PTPRG: variants seen among roughly 807,000 people sequenced by gnomAD.
PTPRG encodes receptor-type tyrosine-protein phosphatase gamma.
PTPRG carries 102 observed loss-of-function variants against 165.3 expected under a neutral mutation model. The ratio of observed to expected loss-of-function variants is 0.62; its 90% confidence interval spans 0.53 to 0.73. PTPRG has a LOEUF of 0.73. Among genes scored for constraint, PTPRG ranks in the 30% least tolerant of loss-of-function variants. The pLI, the probability that PTPRG is intolerant of heterozygous loss-of-function variation, is 0.00. For missense variants in PTPRG, 1,866 were observed against 1,861.4 expected, an observed-to-expected ratio of 1.00 and a Z score of -0.05; for synonymous variants, 675 against 669.5, an observed-to-expected ratio of 1.01 and a Z score of -0.13.
chr3:62,181,294 C>G (rs1705639732), intron 8 of PTPRG, among the ~76,000 whole-genome samples: 1 of 152,188 alleles, frequency 6.6e-6, no homozygotes, highest in Admixed American at 6.5e-5. Context: ...GGATAAACCC[C>G]AGCTCCAGTG....
intron 3 of PTPRG, among the ~76,000 whole-genome samples, chr3:62,000,354 T>C (rs1042083192): frequency 4.6e-5 from 7 of 151,812 alleles, no homozygotes; most frequent in African/African-American, 1.7e-4. Flanking sequence ...TTTCTGCCTG[T>C]ATATTCTTAC....
intron 4 of PTPRG, among the ~76,000 whole-genome samples, chr3:62,017,087 G>A (rs750842578): frequency 1.3e-5 from 2 of 152,108 alleles, no homozygotes; most frequent in Admixed American, 6.5e-5. Flanking sequence ...GGAGGGGATC[G>A]GTCTGTCTGT....
intron 6 of PTPRG, among the ~76,000 whole-genome samples, chr3:62,155,623 G>A (rs544504997): frequency 1.4e-4 from 22 of 152,322 alleles, no homozygotes; most frequent in Non-Finnish European, 2.2e-4. Context: ...GCATATAGGC[G>A]AAGCTAAATC....
At chr3:62,026,747 G>T (rs7652787) in intron 4 of PTPRG, among the ~76,000 whole-genome samples, 83,764 of 151,440 alleles carry the variant, frequency 0.55, 23,922 homozygotes, top group African/African-American at 0.7. Context: ...TTAGCCAGGC[G>T]TGGTGGCACG....
intron 2 of PTPRG, among the ~76,000 whole-genome samples, chr3:61,969,663 C>G (rs2040341943): frequency 1.3e-5 from 2 of 152,088 alleles, no homozygotes; most frequent in Non-Finnish European, 2.9e-5. Flanking sequence ...CAGACTCGGT[C>G]ACCCTCAGTC....
At chr3:61,575,854 G>A (rs1700164015) in intron 1 of PTPRG, among the ~76,000 whole-genome samples, 1 of 152,142 alleles carries the variant, frequency 6.6e-6, no homozygotes, top group African/African-American at 2.4e-5. Flanking sequence ...CAGGTGATGT[G>A]CCTTCATCGG....
intron 15 of PTPRG, among the ~76,000 whole-genome samples, chr3:62,244,908 G>C (rs9863820): frequency 0.27 from 41,233 of 152,006 alleles, 7,275 homozygotes; most frequent in African/African-American, 0.5. Context: ...CTCAGAGGTA[G>C]AGTCATTCTT....
intron 2 of PTPRG, among the ~76,000 whole-genome samples, chr3:61,832,910 T>C (rs540372498): frequency 6.6e-6 from 1 of 152,308 alleles, no homozygotes; most frequent in Non-Finnish European, 1.5e-5. Context: ...CCTATGTCTT[T>C]GCATTCTCGT....
chr3:62,231,232 A>G lies in PTPRG; in HGVS notation c.2296A>G (p.Asn766Asp), dbSNP rs748798768. Residue 766 changes from asparagine (N) to aspartate (D), a missense_variant, in exon 14 of 30, where the codon AAC becomes GAC. Around this residue, in one of 3 missense-constraint regions of PTPRG, gnomAD observed 1,452 missense variants for 1,463.0 expected, o/e 0.99. Transcript: ENST00000474889. ...IAVLVYWRGC[N>D]KIKSKGFPRR... is the part of the protein sequence containing the mutation. ...TGTTTTTTGTCCATTTAGAGGGTGT[A>G]ACAAAATAAAGTCCAAGGGCTTTCC... 2 of 1,574,158 alleles carry G rather than the reference A, an allele frequency of 1.3e-6. No homozygotes were observed. Among genetic ancestry groups the G allele is most frequent in the Non-Finnish European group, 8.6e-7 (1 of 1,160,446 alleles).
intron 2 of PTPRG, among the ~76,000 whole-genome samples, chr3:61,857,124 A>G (rs2037130220): frequency 6.6e-6 from 1 of 151,316 alleles, no homozygotes; most frequent in Non-Finnish European, 1.5e-5. Flanking sequence ...ACATAGCCTC[A>G]TTTAGTATTT....
At chr3:62,257,702 C>G (rs923454190) in intron 16 of PTPRG, among the ~76,000 whole-genome samples, 1 of 152,124 alleles carries the variant, frequency 6.6e-6, no homozygotes, top group Non-Finnish European at 1.5e-5. Flanking sequence ...CACCTGTAAT[C>G]CCAACACTTT....
At chr3:61,847,423 G>T (rs1382401741) in intron 2 of PTPRG, among the ~76,000 whole-genome samples, 1 of 152,134 alleles carries the variant, frequency 6.6e-6, no homozygotes, top group Non-Finnish European at 1.5e-5. Flanking sequence ...TTGGACTTCT[G>T]CCCTCCAGAG....
At chr3:61,995,009 C>T (rs1402541414) in intron 3 of PTPRG, among the ~76,000 whole-genome samples, 1 of 151,516 alleles carries the variant, frequency 6.6e-6, no homozygotes, top group Admixed American at 6.6e-5. Flanking sequence ...TACTGAGAGT[C>T]AGCACCAGGC....
chr3:62,136,947 A>G (rs533980894), intron 6 of PTPRG, among the ~76,000 whole-genome samples: 11 of 152,310 alleles, frequency 7.2e-5, no homozygotes, highest in African/African-American at 2.4e-4. Context: ...GAGACACCCT[A>G]GAAACCTCTT....
chr3:61,707,718 C>T (rs1215352297), intron 1 of PTPRG, among the ~76,000 whole-genome samples: 1 of 152,194 alleles, frequency 6.6e-6, no homozygotes, highest in African/African-American at 2.4e-5. Flanking sequence ...ATCTGGGCAC[C>T]TTGGCCCAGT....
chr3:62,231,140 G>C (rs747583443), intron 13 of PTPRG, 85 bp from the exon 14 acceptor site: 1 of 1,017,326 alleles, frequency 9.8e-7, no homozygotes, highest in Non-Finnish European at 1.3e-6. Context: ...TAGATGGGAG[G>C]GGAGGGCATT....
At chr3:61,891,110 G>C (rs1337340498) in intron 2 of PTPRG, among the ~76,000 whole-genome samples, 5 of 152,064 alleles carry the variant, frequency 3.3e-5, no homozygotes, top group African/African-American at 9.7e-5. Context: ...ACGAGGTCAA[G>C]AGTTTGAGAC....
Position 62,122,596 on chromosome 3 carries a change from C to T in PTPRG, c.616-10006C>T, listed in dbSNP as rs571858584. ...GTGACTTGTTCAGTGGCACCTTTCA[C>T]TTAGGTTCTGTGCTGCAATTAATTG... is the stretch of plus-strand genomic sequence containing the variant. On this transcript the variant is annotated intron_variant, in intron 5 of 29. Coordinates refer to ENST00000474889, the MANE Select transcript of PTPRG (RefSeq NM_002841.4). Among the ~76,000 whole-genome samples the T allele has an allele frequency of 5.4e-4, 82 of 152,326 alleles. 1 individual carries two copies. The highest frequency in any genetic ancestry group is 1.8e-3 in the Admixed American group (27 of 15,302).
chr3:62,003,719 A>C (rs1423594363), intron 4 of PTPRG, among the ~76,000 whole-genome samples: 1 of 152,170 alleles, frequency 6.6e-6, no homozygotes, highest in African/African-American at 2.4e-5. Context: ...TCATGGTTTG[A>C]GTAGACTCAC....
Sources: allele counts gnomAD v4.1 joint callset (sites outside exome capture counted in the v4.1 genomes callset), GRCh38; gene constraint gnomAD v4.1.1; regional missense constraint gnomAD v4.1.1; transcripts MANE v1.5; gene names NCBI Gene and HGNC (gene_info 2026-07-23, HGNC 2026-07-21).